PKP4: variants seen among roughly 807,000 people sequenced by gnomAD.
PKP4 encodes the protein plakophilin 4, also known as plakophilin-4.
In PKP4, 90 loss-of-function variants were observed where a neutral mutation model predicts 145.1. The observed-to-expected ratio is 0.62, with a 90% CI of 0.52 to 0.74. The LOEUF (loss-of-function observed/expected upper bound fraction) is 0.74, where lower values mean the gene tolerates loss of function less well. PKP4 is among the 30% of genes least tolerant of loss of function. The probability of loss-of-function intolerance (pLI) is 0.00; values close to 1 mark genes in which losing one functional copy is unlikely to be tolerated. For missense variants in PKP4, 1,340 were observed against 1,482.7 expected, an observed-to-expected ratio of 0.90 and a Z score of 1.58; for synonymous variants, 563 against 577.2, an observed-to-expected ratio of 0.98 and a Z score of 0.35.
At chr2:158,495,642 TGG>T (rs1695589036) in intron 1 of PKP4, among the ~76,000 whole-genome samples, 1 of 151,952 alleles carries the variant, frequency 6.6e-6, no homozygotes, top group Non-Finnish European at 1.5e-5. Flanking sequence ...AAGACCAGCC[TGG>T]CCAACATGGT....
At chr2:158,658,090 A>G in intron 11 of PKP4, 41 bp from the exon 12 acceptor site, 3 of 1,113,484 alleles carry the variant, frequency 2.7e-6, no homozygotes, top group South Asian at 1.3e-5. Context: ...CTAAAGCCAC[A>G]GGATCTCTAT....
At chr2:158,466,245 G>A (rs1690586979) in intron 1 of PKP4, among the ~76,000 whole-genome samples, 1 of 152,148 alleles carries the variant, frequency 6.6e-6, no homozygotes, top group African/African-American at 2.4e-5. Flanking sequence ...GTGTCTGTTT[G>A]TGCCTAGTAC....
intron 1 of PKP4, among the ~76,000 whole-genome samples, chr2:158,498,396 C>A (rs1218981810): frequency 2.0e-5 from 3 of 152,236 alleles, no homozygotes; most frequent in Non-Finnish European, 4.4e-5. Flanking sequence ...TAGTCCACTA[C>A]ATTCTCATGA....
intron 3 of PKP4, among the ~76,000 whole-genome samples, chr2:158,578,791 G>T (rs908040670): frequency 8.5e-5 from 13 of 152,056 alleles, no homozygotes; most frequent in African/African-American, 2.9e-4. Context: ...GTAATACTTG[G>T]TATATCAATA....
At chr2:158,496,439 TC>T (rs1477150441) in intron 1 of PKP4, among the ~76,000 whole-genome samples, 3 of 152,214 alleles carry the variant, frequency 2.0e-5, no homozygotes, top group Non-Finnish European at 4.4e-5. Flanking sequence ...GGTGCACCCC[TC>T]TTGTGAGTGT....
intron 1 of PKP4, among the ~76,000 whole-genome samples, chr2:158,522,403 A>C (rs936509925): frequency 6.6e-5 from 10 of 152,148 alleles, no homozygotes; most frequent in Non-Finnish European, 1.5e-4. Context: ...TGAGCAGAAA[A>C]ATTGCCTGTT....
chr2:158,669,312 A>G (rs1044882009), intron 16 of PKP4: 6 of 153,402 alleles, frequency 3.9e-5, no homozygotes, highest in African/African-American at 1.4e-4. Flanking sequence ...GGTAAGTTTT[A>G]AAAAGCTCTA....
intron 3 of PKP4, among the ~76,000 whole-genome samples, chr2:158,592,170 T>G (rs536108607): frequency 6.6e-6 from 1 of 152,034 alleles, no homozygotes; most frequent in East Asian, 1.9e-4. Context: ...ACAGCAGTAG[T>G]TAGGAACATG....
intron 9 of PKP4, among the ~76,000 whole-genome samples, chr2:158,636,954 A>G (rs897918063): frequency 1.3e-5 from 2 of 152,154 alleles, no homozygotes; most frequent in Admixed American, 6.5e-5. Flanking sequence ...TCCTCTGATA[A>G]GTTCAACATC....
At chr2:158,505,467 C>T (rs1389860954) in intron 1 of PKP4, among the ~76,000 whole-genome samples, 2 of 152,166 alleles carry the variant, frequency 1.3e-5, no homozygotes, top group Non-Finnish European at 2.9e-5. Context: ...AGGGCTTCTC[C>T]GAGGCCCAGG....
At chr2:158,478,712 A>T (rs1692892791) in intron 1 of PKP4, among the ~76,000 whole-genome samples, 1 of 152,246 alleles carries the variant, frequency 6.6e-6, no homozygotes, top group South Asian at 2.1e-4. Flanking sequence ...AAACTGATGA[A>T]CACTAATGAT....
intron 1 of PKP4, among the ~76,000 whole-genome samples, chr2:158,517,151 CTAA>C (rs1440558786): frequency 6.6e-6 from 1 of 152,070 alleles, no homozygotes; most frequent in Non-Finnish European, 1.5e-5. Flanking sequence ...ATATGAAAAA[CTAA>C]TGATGAAAAC....
Position 158,573,896 on chromosome 2 carries a change from C to T in PKP4, c.133-3375C>T, listed in dbSNP as rs533324216. On this transcript the variant is annotated intron_variant, in intron 2 of 21. Coordinates refer to ENST00000389759, the MANE Select transcript of PKP4 (RefSeq NM_003628.6). ...GAATGCAAGCTTCTCAGAGGGTGTG[C>T]CCATGGGCAAGGGGACTGTCTGCAG... Among the ~76,000 whole-genome samples the T allele has an allele frequency of 3.3e-5, 5 of 152,292 alleles. No individual in the cohort carries two copies. The East Asian group carries it at 9.7e-4, about 29-fold the overall frequency.
chr2:158,546,521 G>A (rs780537491), intron 2 of PKP4, among the ~76,000 whole-genome samples: 3 of 152,278 alleles, frequency 2.0e-5, no homozygotes, highest in East Asian at 3.9e-4. Flanking sequence ...AAAGAAACGT[G>A]AAATTTTGGT....
chr2:158,660,221 G>C (rs59264445), intron 12 of PKP4: 2 of 152,652 alleles, frequency 1.3e-5, no homozygotes, highest in Non-Finnish European at 2.9e-5. Flanking sequence ...CTAATTAGCT[G>C]TCTATGTGCC....
At chr2:158,484,272 C>T (rs1055562036) in intron 1 of PKP4, among the ~76,000 whole-genome samples, 1 of 152,018 alleles carries the variant, frequency 6.6e-6, no homozygotes, top group Non-Finnish European at 1.5e-5. Context: ...TGGTCTCGAT[C>T]TCCTGACCTC....
chr2:158,491,969 G>A (rs1366787869), intron 1 of PKP4, among the ~76,000 whole-genome samples: 2 of 151,938 alleles, frequency 1.3e-5, no homozygotes, highest in Non-Finnish European at 2.9e-5. Flanking sequence ...TCACCATGCT[G>A]GAGTAATTTT....
At chr2:158,620,432 T>TA (rs1244615412) in intron 4 of PKP4, among the ~76,000 whole-genome samples, 1 of 152,124 alleles carries the variant, frequency 6.6e-6, no homozygotes, top group Non-Finnish European at 1.5e-5. Flanking sequence ...TATATTCCTT[T>TA]AAAAAAGGCT....
intron 2 of PKP4, among the ~76,000 whole-genome samples, chr2:158,562,019 A>G (rs2046574638): frequency 6.6e-6 from 1 of 151,352 alleles, no homozygotes; most frequent in African/African-American, 2.4e-5. Context: ...TAAATTACAG[A>G]AGAAAAAGTC....
Sources: gnomAD v4.1 joint callset for allele counts (sites outside exome capture counted in the v4.1 genomes callset) on GRCh38, gnomAD v4.1.1 for gene constraint, MANE v1.5 for transcripts, NCBI Gene and HGNC (gene_info 2026-07-23, HGNC 2026-07-21) for gene names.